FMN1: variants seen among roughly 807,000 people sequenced by gnomAD.
FMN1 encodes formin 1.
A neutral mutation model predicts 132.4 loss-of-function variants in FMN1; 110 were observed. That is an observed-to-expected ratio of 0.83 (90% CI 0.71 to 0.97). The LOEUF (loss-of-function observed/expected upper bound fraction) is 0.97, where lower values mean the gene tolerates loss of function less well. Among genes scored for constraint, FMN1 ranks in the 50% least tolerant of loss-of-function variants. The pLI is 0.00. For missense variants in FMN1, 1,792 were observed against 1,705.3 expected (o/e 1.05, Z -0.90); for synonymous variants, 722 against 651.7 (o/e 1.11, Z -1.64).
At chr15:32,995,088 T>G (rs1426868604) in intron 7 of FMN1, among the ~76,000 whole-genome samples, 1 of 151,820 alleles carries the variant, frequency 6.6e-6, no homozygotes, top group African/African-American at 2.4e-5. Flanking sequence ...ACTCAGCCTA[T>G]CACACAGAAG....
At chr15:32,997,171 T>A (rs190873043) in intron 7 of FMN1, among the ~76,000 whole-genome samples, 1 of 152,328 alleles carries the variant, frequency 6.6e-6, no homozygotes. Context: ...GGACCAGCTA[T>A]GAGAAATAAA....
At position 33,134,814 on chromosome 15, in the gene FMN1, G is replaced by A. The variant is rs192251766; in HGVS notation, c.1867+18234C>T. On this transcript the variant is annotated intron_variant, in intron 4 of 20. Coordinates refer to ENST00000616417, the MANE Select transcript of FMN1 (RefSeq NM_001277313.2). ...GTCAGATGTTCAAGACCAGCCTGGC[G>A]AACATGGCAAAACCCCATCTCTACT... Among the ~76,000 whole-genome samples the A allele has an allele frequency of 2.7e-4, 41 of 152,238 alleles. No homozygotes were observed. In the East Asian group the frequency reaches 5.8e-3, roughly 22 times the overall value.
intron 20 of FMN1, among the ~76,000 whole-genome samples, chr15:32,774,660 C>A (rs137897341): frequency 0.017 from 2,658 of 152,202 alleles, 31 homozygotes; most frequent in Non-Finnish European, 0.027. Context: ...TGACAAAGAC[C>A]CTAACTTTGT....
intron 6 of FMN1, among the ~76,000 whole-genome samples, chr15:33,042,315 T>C (rs2036477114): frequency 6.6e-6 from 1 of 152,184 alleles, no homozygotes; most frequent in African/African-American, 2.4e-5. Flanking sequence ...GGTTTCCTTA[T>C]ATTGATCTAT....
chr15:32,900,209 C>A, intron 13 of FMN1, 84 bp from the exon 14 acceptor site: 1 of 1,452,738 alleles, frequency 6.9e-7, no homozygotes, highest in South Asian at 1.1e-5. Context: ...ACTGTGTACT[C>A]AATAGGCTGT....
At chr15:33,162,458 T>C (rs932033161) in intron 3 of FMN1, among the ~76,000 whole-genome samples, 1 of 150,316 alleles carries the variant, frequency 6.7e-6, no homozygotes, top group Non-Finnish European at 1.5e-5. Flanking sequence ...ATCATGTTTG[T>C]AGAATCAGAA....
intron 5 of FMN1, among the ~76,000 whole-genome samples, chr15:33,088,205 G>C (rs899213254): frequency 1.3e-5 from 2 of 151,606 alleles, no homozygotes; most frequent in Admixed American, 6.6e-5. Context: ...AAAACCTATT[G>C]AAATTAAAAA....
chr15:32,948,416 G>T (rs896991149), intron 9 of FMN1, among the ~76,000 whole-genome samples: 1 of 151,838 alleles, frequency 6.6e-6, no homozygotes, highest in Non-Finnish European at 1.5e-5. Flanking sequence ...GTGCTATCAA[G>T]ATTATATATA....
At chr15:33,076,491 G>C (rs74244009) in intron 5 of FMN1, among the ~76,000 whole-genome samples, 1 of 149,422 alleles carries the variant, frequency 6.7e-6, no homozygotes, top group South Asian at 2.1e-4. Flanking sequence ...ATTTTTAAAG[G>C]GGACAAAAGA....
chr15:33,031,605 T>C (rs1414670892), intron 6 of FMN1, among the ~76,000 whole-genome samples: 1 of 152,220 alleles, frequency 6.6e-6, no homozygotes, highest in Non-Finnish European at 1.5e-5. Context: ...AGGCAACTCC[T>C]GGAGCCGCGT....
intron 19 of FMN1, among the ~76,000 whole-genome samples, chr15:32,786,125 A>G (rs1428717255): frequency 6.6e-6 from 1 of 152,216 alleles, no homozygotes; most frequent in African/African-American, 2.4e-5. Context: ...AAGCTGCTGC[A>G]CCACTGGACT....
chr15:32,873,362 C>T (rs1039523883), intron 16 of FMN1, among the ~76,000 whole-genome samples: 2 of 152,184 alleles, frequency 1.3e-5, no homozygotes, highest in Non-Finnish European at 1.5e-5. Flanking sequence ...CCAATAGTCT[C>T]GCTTGCTGGA....
At chr15:33,172,127 G>T in intron 3 of FMN1, among the ~76,000 whole-genome samples, 1 of 151,698 alleles carries the variant, frequency 6.6e-6, no homozygotes, top group Non-Finnish European at 1.5e-5. Context: ...ACAATGGCGT[G>T]AACCTGGAAG....
intron 3 of FMN1, among the ~76,000 whole-genome samples, chr15:33,163,055 G>A (rs1357027891): frequency 6.6e-6 from 1 of 152,140 alleles, no homozygotes; most frequent in Admixed American, 6.5e-5. Flanking sequence ...CCGGGAGGTG[G>A]AGGTTGCAGT....
rs2060990466 is a variant in FMN1 at position 32,927,485 on chromosome 15, C to T, written c.3139-1224G>A. ...TATTGCCAATGCTGCTCTTACACTC[C>T]TGGGCCCAAGCCATCCTCCCACCTT... On this transcript the variant is annotated intron_variant, in intron 9 of 20. Transcript: ENST00000616417. 2.6e-5 allele frequency among the ~76,000 whole-genome samples: 4 copies of T among 152,186 alleles called. No homozygotes were observed. In the South Asian group the frequency reaches 8.3e-4, roughly 31 times the overall value.
intron 7 of FMN1, among the ~76,000 whole-genome samples, chr15:33,005,974 C>T (rs1364714942): frequency 6.6e-6 from 1 of 152,138 alleles, no homozygotes; most frequent in East Asian, 1.9e-4. Context: ...CTCATTTTCT[C>T]TCCCTAACTA....
At chr15:32,872,796 G>A (rs2059546612) in intron 16 of FMN1, among the ~76,000 whole-genome samples, 1 of 152,162 alleles carries the variant, frequency 6.6e-6, no homozygotes, top group South Asian at 2.1e-4. Context: ...CGGTTTCTCT[G>A]ACCTCTGAGC....
chr15:33,174,073 G>A (rs771050465), intron 3 of FMN1, among the ~76,000 whole-genome samples: 2 of 151,972 alleles, frequency 1.3e-5, no homozygotes, highest in Non-Finnish European at 2.9e-5. Context: ...GGCCTCACTG[G>A]AACCTATAAA....
intron 6 of FMN1, among the ~76,000 whole-genome samples, chr15:33,054,466 C>T (rs763763478): frequency 5.9e-5 from 9 of 151,886 alleles, no homozygotes; most frequent in Non-Finnish European, 7.4e-5. Context: ...GGTGCCCTTC[C>T]GCAAAAAAAC....
Sources: allele counts gnomAD v4.1 joint callset (sites outside exome capture counted in the v4.1 genomes callset), GRCh38; gene constraint gnomAD v4.1.1; transcripts MANE v1.5; gene names NCBI Gene and HGNC (gene_info 2026-07-23, HGNC 2026-07-21).